Variants in DMD observed in about 807,000 individuals in gnomAD.
DMD encodes the protein dystrophin, also known as mutant dystrophin.
A neutral mutation model predicts 330.1 loss-of-function variants in DMD; 63 were observed. The observed-to-expected ratio is 0.19, with a 90% CI of 0.16 to 0.24. The LOEUF (loss-of-function observed/expected upper bound fraction) is 0.24. Among genes scored for constraint, DMD ranks in the 10% least tolerant of loss-of-function variants. The pLI is 1.00. For synonymous variants in DMD, 1,223 were observed against 959.8 expected, an observed-to-expected ratio of 1.27 and a Z score of -5.07; for missense variants, 3,344 against 2,684.1, an observed-to-expected ratio of 1.25 and a Z score of -5.43.
chrX:32,336,031 TTATATATAAC>T (rs2097712245), intron 41 of DMD, among the ~76,000 whole-genome samples: 4 of 103,361 alleles, frequency 3.9e-5, no homozygotes, highest in Non-Finnish European at 5.9e-5. Flanking sequence ...ATATATAACG[TTATATATAAC>T]GTGTATATAT....
chrX:32,603,033 A>C (rs1309114439), intron 12 of DMD, among the ~76,000 whole-genome samples: 1 of 111,593 alleles, frequency 9.0e-6, no homozygotes, highest in Non-Finnish European at 1.9e-5. Flanking sequence ...ACACTTACAG[A>C]ACATTCTATT....
chrX:32,036,874 T>A (rs1355443435), intron 44 of DMD, among the ~76,000 whole-genome samples: 1 of 111,408 alleles, frequency 9.0e-6, no homozygotes, highest in Non-Finnish European at 1.9e-5. Flanking sequence ...CAGAGTGTTT[T>A]AAGCAGAACA....
chrX:32,132,993 C>CTTTTTTT lies in DMD; in HGVS notation c.6438+83916_6438+83922dup, dbSNP rs377615262. ...TCTCATTGATCACTCCTTTTCTTTT[C>CTTTTTTT]TTTTTTTTTTTTTTTTTTTTTTTTT... On this transcript the variant is annotated intron_variant, in intron 44 of 78. Transcript: ENST00000357033. 4.1e-4 allele frequency among the ~76,000 whole-genome samples: 31 copies of CTTTTTTT among 75,961 alleles called. 1 individual carries two copies. The highest frequency in any genetic ancestry group is 5.4e-4 in the Non-Finnish European group (24 of 44,858). 66.0% of individuals were successfully genotyped at this position (75,961 alleles called of 115,157 possible).
At chrX:31,572,867 C>T (rs746461042) in intron 55 of DMD, among the ~76,000 whole-genome samples, 52 of 112,082 alleles carry the variant, frequency 4.6e-4, no homozygotes, top group African/African-American at 1.6e-3. Flanking sequence ...ATGCTAACTC[C>T]TCCATTCTCT....
At chrX:32,935,206 C>G (rs1468426773) in intron 2 of DMD, among the ~76,000 whole-genome samples, 2 of 112,756 alleles carry the variant, frequency 1.8e-5, no homozygotes, top group African/African-American at 6.4e-5. Context: ...TCTCGATCTG[C>G]TGACCTCATG....
intron 76 of DMD, among the ~76,000 whole-genome samples, chrX:31,144,629 A>G (rs939679857): frequency 7.2e-5 from 8 of 111,534 alleles, no homozygotes; most frequent in Non-Finnish European, 1.5e-4. Context: ...TCCTGAACAC[A>G]TCATCATATC....
intron 63 of DMD, among the ~76,000 whole-genome samples, chrX:31,251,639 C>G (rs2049378768): frequency 8.9e-6 from 1 of 112,388 alleles, no homozygotes; most frequent in Non-Finnish European, 1.9e-5. Context: ...TAAAAACTAT[C>G]TATTTTATGT....
chrX:32,045,312 A>C lies in DMD; in HGVS notation c.6439-76798T>G, dbSNP rs1221449247. ...TCCCTCACAGCTTGATGCTGTCCTC[A>C]TGATAGCAGCTGAGTTCTTGAGCGA... On this transcript the variant is annotated intron_variant, in intron 44 of 78. Coordinates refer to ENST00000357033, the MANE Select transcript of DMD (RefSeq NM_004006.3). Among the ~76,000 whole-genome samples, 17 of 105,963 alleles carry C rather than the reference A, an allele frequency of 1.6e-4. No individual in the cohort carries two copies. The Admixed American group carries it at 1.7e-3, about 11-fold the overall frequency. The allele number at this position is 105,963 out of a possible 115,157, so 92.0% of individuals were successfully genotyped here. A position where few individuals can be genotyped will look rare whatever the true frequency, so the allele number is the denominator to read the frequency against.
At chrX:33,041,583 G>A in intron 1 of DMD, 1 of 1,209,420 alleles carries the variant, frequency 8.3e-7, no homozygotes, top group Non-Finnish European at 1.1e-6. Flanking sequence ...CCCGGATGAT[G>A]ATCCCAGATT....
intron 1 of DMD, among the ~76,000 whole-genome samples, chrX:33,217,304 A>G (rs1313445241): frequency 1.8e-5 from 2 of 111,720 alleles, no homozygotes; most frequent in Non-Finnish European, 3.8e-5. Context: ...GAGGGTGTCC[A>G]AATAGACAAA....
intron 52 of DMD, among the ~76,000 whole-genome samples, chrX:31,695,359 T>C (rs1030598354): frequency 1.8e-5 from 2 of 110,604 alleles, no homozygotes; most frequent in Middle Eastern, 4.6e-3. Context: ...TAGTATTTGA[T>C]AGTGCAACAG....
intron 62 of DMD, among the ~76,000 whole-genome samples, chrX:31,314,760 G>GAA (rs1556488764): frequency 3.3e-4 from 35 of 105,668 alleles, no homozygotes; most frequent in East Asian, 1.8e-3. Flanking sequence ...GAGAGAGAGA[G>GAA]AGAGAGAGAG....
intron 1 of DMD, among the ~76,000 whole-genome samples, chrX:33,197,046 T>C (rs1052931588): frequency 9.0e-6 from 1 of 111,436 alleles, no homozygotes; most frequent in Non-Finnish European, 1.9e-5. Flanking sequence ...TGATATTTTA[T>C]TCAATCAGTG....
At chrX:32,093,647 G>A (rs940146088) in intron 44 of DMD, among the ~76,000 whole-genome samples, 2 of 111,373 alleles carry the variant, frequency 1.8e-5, no homozygotes, top group African/African-American at 3.2e-5. Context: ...TGAGATTTAC[G>A]ACTACTCAAG....
chrX:32,294,606 T>C (rs759835698), intron 42 of DMD, among the ~76,000 whole-genome samples: 1 of 111,354 alleles, frequency 9.0e-6, no homozygotes, highest in Non-Finnish European at 1.9e-5. Flanking sequence ...AAACTTTCTA[T>C]CTTAAAGGAG....
chrX:31,973,571 C>A (rs1056884008), intron 44 of DMD, among the ~76,000 whole-genome samples: 1 of 110,799 alleles, frequency 9.0e-6, no homozygotes, highest in Admixed American at 9.6e-5. Context: ...CCGTCTCCTG[C>A]CGCTTCTCCT....
chrX:33,116,591 A>T (rs138182595), intron 1 of DMD, among the ~76,000 whole-genome samples: 3,236 of 111,659 alleles, frequency 0.029, 127 homozygotes, highest in African/African-American at 0.1. Context: ...TTATGGAATC[A>T]AAGTTAATCC....
intron 43 of DMD, among the ~76,000 whole-genome samples, chrX:32,241,397 T>C (rs2097208109): frequency 8.9e-6 from 1 of 112,630 alleles, no homozygotes; most frequent in African/African-American, 3.2e-5. Context: ...TTCTTACACC[T>C]ACATAGGCCC....
chrX:33,072,144 G>T (rs913197262), intron 1 of DMD, among the ~76,000 whole-genome samples: 1 of 112,121 alleles, frequency 8.9e-6, no homozygotes, highest in African/African-American at 3.2e-5. Context: ...CAGGCCCAGC[G>T]CGGTGGCTCA....
Sources: allele counts gnomAD v4.1 joint callset (sites outside exome capture counted in the v4.1 genomes callset), GRCh38; gene constraint gnomAD v4.1.1; transcripts MANE v1.5; gene names NCBI Gene and HGNC (gene_info 2026-07-23, HGNC 2026-07-21).